The following CDC42 variants were observed in gnomAD, a reference collection of about 807,000 sequenced individuals.
CDC42 encodes the protein cell division control protein 42 homolog.
CDC42 carries 1 observed loss-of-function variant against 20.8 expected under a neutral mutation model. The observed-to-expected ratio is 0.05, with a 90% CI of 0.02 to 0.23. CDC42 has a LOEUF of 0.23. Among genes scored for constraint, CDC42 ranks in the 10% least tolerant of loss-of-function variants. The pLI is 1.00. For missense variants in CDC42, 49 were observed against 227.9 expected, an observed-to-expected ratio of 0.21 and a Z score of 5.05; for synonymous variants, 72 against 84.8, an observed-to-expected ratio of 0.85 and a Z score of 0.83.
intron 5 of CDC42, chr1:22,090,581 T>C: frequency 1.0e-6 from 1 of 986,088 alleles, no homozygotes; most frequent in Non-Finnish European, 1.2e-6. Context: ...TTTGTCAGTC[T>C]GGGGTGGGGA....
chr1:22,101,309 C>T lies in CDC42; in HGVS notation c.*9792C>T, dbSNP rs900585994. ...ACCAGAGTTTCCTTGGGCAAGTTGC[C>T]ATACCTTTTTGGGCCTTGGTTTCCT... On this transcript the variant is annotated 3_prime_UTR_variant, in exon 6 of 6. Transcript: ENST00000656825. 3 of 152,176 alleles carry T rather than the reference C, an allele frequency of 2.0e-5. No individual in the cohort carries two copies. Among genetic ancestry groups the T allele is most frequent in the African/African-American group, 7.2e-5 (3 of 41,440 alleles). 9.4% of individuals were successfully genotyped at this position (152,176 alleles called of 1,614,324 possible).
intron 1 of CDC42, among the ~76,000 whole-genome samples, chr1:22,076,974 C>T (rs745863553): frequency 4.0e-5 from 6 of 151,660 alleles, no homozygotes; most frequent in Non-Finnish European, 7.4e-5. Context: ...CAGTGAGACC[C>T]GTCTCTTAAA....
intron 1 of CDC42, among the ~76,000 whole-genome samples, chr1:22,055,409 C>G (rs1056051864): frequency 6.6e-6 from 1 of 151,372 alleles, no homozygotes; most frequent in Non-Finnish European, 1.5e-5. Flanking sequence ...AATACCTGTC[C>G]GTATTAAACT....
intron 3 of CDC42, among the ~76,000 whole-genome samples, chr1:22,083,416 A>G (rs893794840): frequency 6.6e-6 from 1 of 151,772 alleles, no homozygotes; most frequent in Non-Finnish European, 1.5e-5. Context: ...CAGCCTGGCC[A>G]GTATGGTGAA....
chr1:22,078,470 A>G lies in CDC42; in HGVS notation c.-9A>G, dbSNP rs760045099. 3.5e-5 allele frequency: 55 copies of G among 1,592,658 alleles called. No homozygotes were observed. The highest frequency in any genetic ancestry group is 6.9e-5 in the Admixed American group (4 of 58,190). ...AAATATTTAAAGTGGATACAAAACT[A>G]TTTCAGCAATGCAGACAATTAAGTG... is the stretch of plus-strand genomic sequence containing the variant. On this transcript the variant is annotated 5_prime_UTR_variant, in exon 2 of 6. Transcript: ENST00000656825.
rs2056973 is a variant in CDC42, at chr1:22,097,475, C to G, written c.*5958C>G. ...CAGGCTGGTCTTGAACTCCTGACCT[C>G]AGGTGATCCGCCCGTTGCGGCCTCC... On this transcript the variant is annotated 3_prime_UTR_variant, in exon 6 of 6. Transcript: ENST00000656825. 6.6e-6 allele frequency among the ~76,000 whole-genome samples: 1 copy of G among 152,156 alleles called. No individual in the cohort carries two copies. Among genetic ancestry groups the G allele is most frequent in the African/African-American group, 2.4e-5 (1 of 41,432 alleles).
intron 1 of CDC42, chr1:22,074,109 G>A (rs1645522629): frequency 6.6e-6 from 1 of 152,202 alleles, no homozygotes. Context: ...GTCTCACTGT[G>A]TTGCCCAGGC....
intron 1 of CDC42, among the ~76,000 whole-genome samples, chr1:22,075,247 A>G (rs1438430900): frequency 6.6e-6 from 1 of 152,206 alleles, no homozygotes; most frequent in Admixed American, 6.5e-5. Context: ...AACAATTATT[A>G]ATACATGCCA....
intron 5 of CDC42, chr1:22,090,597 TTGA>T (rs1645706088): frequency 1.0e-6 from 1 of 985,662 alleles, no homozygotes; most frequent in African/African-American, 1.7e-5. Context: ...GGGGAAGATA[TTGA>T]TGTATCTGCT....
At chr1:22,086,979 GA>G in intron 5 of CDC42, 113 bp downstream of exon 5, 1 of 823,362 alleles carries the variant, frequency 1.2e-6, no homozygotes, top group Non-Finnish European at 2.0e-6. Flanking sequence ...TGCCCAGCAA[GA>G]ATATGAACAG....
At chr1:22,069,507 G>A (rs558921814) in intron 1 of CDC42, among the ~76,000 whole-genome samples, 1 of 152,218 alleles carries the variant, frequency 6.6e-6, no homozygotes, top group Non-Finnish European at 1.5e-5. Flanking sequence ...ACCCAGGCTG[G>A]AGTGCAGTGG....
At chr1:22,080,723 C>T (rs895797506) in intron 2 of CDC42, among the ~76,000 whole-genome samples, 8 of 152,166 alleles carry the variant, frequency 5.3e-5, no homozygotes, top group Non-Finnish European at 8.8e-5. Context: ...TGTTAAACCT[C>T]CCATTTTCAC....
At chr1:22,057,359 G>A (rs1403398641) in intron 1 of CDC42, among the ~76,000 whole-genome samples, 9 of 152,110 alleles carry the variant, frequency 5.9e-5, no homozygotes, top group Non-Finnish European at 8.8e-5. Context: ...TCCTTCTCCC[G>A]GACTAATCTG....
chr1:22,075,540 G>A (rs1645539189), intron 1 of CDC42, among the ~76,000 whole-genome samples: 1 of 152,176 alleles, frequency 6.6e-6, no homozygotes, highest in South Asian at 2.1e-4. Flanking sequence ...GATAAAAAGT[G>A]TTATGAGTTC....
rs1645593184 is a variant in CDC42 at position 22,080,148 on chromosome 1, A to G, written c.105+1565A>G. On this transcript the variant is annotated intron_variant, in intron 2 of 5. Transcript: ENST00000656825. ...TGTCTTACCCATCTCTTAATGGATG[A>G]GGGTACTCAGGCCCAATTTAGGGAT... is the stretch of plus-strand genomic sequence containing the variant. 1.3e-5 allele frequency among the ~76,000 whole-genome samples: 2 copies of G among 152,222 alleles called. 1 individual carries two copies. The highest frequency in any genetic ancestry group is 2.9e-5 in the Non-Finnish European group (2 of 68,042).
In CDC42 at chr1:22,086,641, A is replaced by G; in HGVS notation, c.289-28A>G. 7 of 1,606,842 alleles carry G rather than the reference A, an allele frequency of 4.4e-6. No homozygotes were observed. The South Asian group carries it at 6.6e-5, about 15-fold the overall frequency. On this transcript the variant is annotated intron_variant, in intron 4 of 5. Transcript: ENST00000656825. The stretch of plus-strand genomic sequence containing the variant: ...GCATTAGAGGCTTGTTGATTAACAA[A>G]GGTGTATTTTAAAATACCTTTTTTT...
intron 3 of CDC42, among the ~76,000 whole-genome samples, chr1:22,082,077 C>A (rs754911082): frequency 6.6e-6 from 1 of 152,054 alleles, no homozygotes; most frequent in Non-Finnish European, 1.5e-5. Flanking sequence ...AATCCTGATG[C>A]GTGCACCTTG....
rs979935748 is a variant in CDC42 at position 22,092,390 on chromosome 1, A to G, written c.*873A>G. ...ATGCACCAAATGAATTGAGTTTGTA[A>G]TTAAAAAAATTTTTTTCCCTTTCAG... On this transcript the variant is annotated 3_prime_UTR_variant, in exon 6 of 6. Transcript: ENST00000656825. 1 of 152,750 alleles carries G rather than the reference A, an allele frequency of 6.5e-6. No homozygotes were observed. 9.5% of individuals were successfully genotyped at this position (152,750 alleles called of 1,614,324 possible).
intron 1 of CDC42, among the ~76,000 whole-genome samples, chr1:22,070,630 A>AT (rs1355834907): frequency 2.0e-5 from 3 of 151,218 alleles, no homozygotes; most frequent in African/African-American, 7.3e-5. Context: ...CGCCCAGCTG[A>AT]TTTTTTTGTA....
Sources: gnomAD v4.1 joint callset for allele counts (sites outside exome capture counted in the v4.1 genomes callset) on GRCh38, gnomAD v4.1.1 for gene constraint, MANE v1.5 for transcripts, NCBI Gene and HGNC (gene_info 2026-07-23, HGNC 2026-07-21) for gene names.